The following RNPEPL1 variants were observed in gnomAD, a reference collection of about 807,000 sequenced individuals.
RNPEPL1 encodes the protein aminopeptidase RNPEPL1.
In RNPEPL1, 46 loss-of-function variants were observed where a neutral mutation model predicts 69.0. The ratio of observed to expected loss-of-function variants is 0.67; its 90% CI spans 0.53 to 0.85. The LOEUF (loss-of-function observed/expected upper bound fraction) is 0.85. RNPEPL1 is among the 40% of genes least tolerant of loss of function. The pLI, the probability that RNPEPL1 is intolerant of heterozygous loss-of-function variation, is 0.00. For synonymous variants in RNPEPL1, 525 were observed against 454.1 expected, an observed-to-expected ratio of 1.16 and a Z score of -1.98; for missense variants, 869 against 992.5, an observed-to-expected ratio of 0.88 and a Z score of 1.67.
chr2:240,574,876 C>T lies in RNPEPL1; in HGVS notation c.1289-154C>T, dbSNP rs544502054. On this transcript the variant is annotated intron_variant, in intron 6 of 10. Transcript: ENST00000270357. ...TCCTCAGTCTTCCCCGAGGCCCTGC[C>T]GCTGCACGCCCAGGGCATCAGTACA... 31 of 704,818 alleles carry T rather than the reference C, an allele frequency of 4.4e-5. 1 individual carries two copies. The highest frequency in any genetic ancestry group is 4.2e-4 in the Admixed American group (20 of 47,798). 43.7% of individuals were successfully genotyped at this position (704,818 alleles called of 1,614,324 possible).
At position 240,581,003 on chromosome 2, in the gene RNPEPL1, C is replaced by G. The variant is rs562931927; in HGVS notation, c.*3111C>G. On this transcript the variant is annotated 3_prime_UTR_variant, in exon 11 of 11. Transcript: ENST00000270357. ...CTCCCAGAGTGTTTCTCTGCCATCCCTACTCTAACTGGGACTTATTGGTGG... is the reference window on the plus strand; with the variant it reads ...CTCCCAGAGTGTTTCTCTGCCATCCGTACTCTAACTGGGACTTATTGGTGG... 19 of 152,350 alleles carry G rather than the reference C, an allele frequency of 1.2e-4. No individual in the cohort carries two copies. Among genetic ancestry groups the G allele is most frequent in the African/African-American group, 4.6e-4 (19 of 41,560 alleles). 9.4% of individuals were successfully genotyped at this position (152,350 alleles called of 1,614,324 possible). A position where few individuals can be genotyped will look rare whatever the true frequency, so the allele number is the denominator to read the frequency against.
At chr2:240,571,553 C>G (rs545287681) in intron 1 of RNPEPL1, among the ~76,000 whole-genome samples, 2 of 152,058 alleles carry the variant, frequency 1.3e-5, no homozygotes, top group South Asian at 2.1e-4. Flanking sequence ...GGTCAGAATT[C>G]CTGGAAGGAA....
In RNPEPL1 at chr2:240,568,559, C is replaced by G; in HGVS notation, c.-28C>G. 2 of 968,568 alleles carry G rather than the reference C, an allele frequency of 2.1e-6. No homozygotes were observed. The highest frequency in any genetic ancestry group is 2.4e-6 in the Non-Finnish European group (2 of 817,952). 60.0% of individuals were successfully genotyped at this position (968,568 alleles called of 1,614,324 possible). ...GCCCGCGGCCCGGCGCGGCCGCCGC[C>G]CATGGATTTCACCTAGTGCCGGCGG... On this transcript the variant is annotated 5_prime_UTR_variant, in exon 1 of 11. Coordinates refer to ENST00000270357, the MANE Select transcript of RNPEPL1 (RefSeq NM_018226.6). The surrounding 1 kb of genome is among the most constrained non-coding windows in gnomAD (Gnocchi z 6.2).
chr2:240,570,076 C>T (rs1450405849), intron 1 of RNPEPL1, among the ~76,000 whole-genome samples: 6 of 152,244 alleles, frequency 3.9e-5, no homozygotes, highest in Non-Finnish European at 5.9e-5. Flanking sequence ...TAGCCGGCCC[C>T]GCCCCTGCTG....
chr2:240,574,205 A>G lies in RNPEPL1; in HGVS notation c.1031A>G (p.Asp344Gly). ...ATCATCTCCTCCATCCTGGAGAGCG[A>G]TGAGTTCCTGGTCATCGATGTCATC... ...TFIISSILESDEFLVIDVIHE... is the reference protein window; with the variant it reads ...TFIISSILESGEFLVIDVIHE... Residue 344 changes from aspartate to glycine, a missense_variant, in exon 5 of 11, where the codon GAT becomes GGT. Physicochemically the swap from Asp to Gly is moderately conservative, Grantham distance 94. Around this residue, in one of 2 missense-constraint regions of RNPEPL1, gnomAD observed 610 missense variants for 790.9 expected, o/e 0.77. Transcript: ENST00000270357. 6.2e-7 allele frequency: 1 copy of G among 1,613,098 alleles called. No individual in the cohort carries two copies. The highest frequency in any genetic ancestry group is 8.5e-7 in the Non-Finnish European group (1 of 1,179,842).
In RNPEPL1 at chr2:240,577,575, T is replaced by C. The variant is rs564957690; in HGVS notation, c.1885-24T>C. The C allele has an allele frequency of 5.7e-5, 87 of 1,538,072 alleles. 2 individuals carry two copies. In the South Asian group the frequency reaches 1.0e-3, roughly 18 times the overall value. On this transcript the variant is annotated intron_variant, in intron 10 of 10. Coordinates refer to ENST00000270357, the MANE Select transcript of RNPEPL1 (RefSeq NM_018226.6). ...TCGAGGGGCCTGGGGAGCCCACCAG[T>C]GTGACCGAGTGCCCCTCCTGCAGAT...
chr2:240,575,655 ATGGCAGGCGGGGCCTC>A, intron 8 of RNPEPL1, 45 bp downstream of exon 8: 1 of 1,524,100 alleles, frequency 6.6e-7, no homozygotes, highest in South Asian at 1.1e-5. Context: ...CGTGGGTATG[ATGGCAGGCGGGGCCTC>A]TGCTGCCTGA....
chr2:240,571,878 C>T (rs1030624865), intron 1 of RNPEPL1, among the ~76,000 whole-genome samples: 4 of 152,022 alleles, frequency 2.6e-5, no homozygotes, highest in African/African-American at 9.7e-5. Flanking sequence ...GGCTTGGAGC[C>T]TGTCTCTTGC....
intron 7 of RNPEPL1, 35 bp downstream of exon 7, chr2:240,575,177 C>T (rs1393529444): frequency 2.0e-6 from 3 of 1,526,032 alleles, no homozygotes; most frequent in Non-Finnish European, 2.7e-6. Context: ...GCCCTGCTGC[C>T]ATCTGCCCCC....
At position 240,575,104 on chromosome 2, in the gene RNPEPL1, C is replaced by T; in HGVS notation, c.1363C>T (p.Leu455Phe). The T allele has an allele frequency of 6.2e-7, 1 of 1,613,766 alleles. No individual in the cohort carries two copies. The highest frequency in any genetic ancestry group is 8.5e-7 in the Non-Finnish European group (1 of 1,179,982). Residue 455 changes from leucine (L) to phenylalanine (F), a missense_variant, in exon 7 of 11, where the codon CTC becomes TTC. Coordinates refer to ENST00000270357, the MANE Select transcript of RNPEPL1 (RefSeq NM_018226.6). ...CTGCTTCGTGTACTACCTGTCCCAG[C>T]TCTGCGGAGACCCACAGCGCTTTGA... is the stretch of plus-strand genomic sequence containing the variant. ...GYCFVYYLSQ[L>F]CGDPQRFDDF...
Position 240,580,776 on chromosome 2 carries a change from A to T in RNPEPL1, c.*2884A>T, listed in dbSNP as rs1259268977. ...TGTGAGAGAGATCTGCATTTTGGGG[A>T]TTAGGGCCTAGTCAGGCAGGTAGGA... On this transcript the variant is annotated 3_prime_UTR_variant, in exon 11 of 11. Transcript: ENST00000270357. 1.3e-5 allele frequency: 2 copies of T among 152,206 alleles called. No homozygotes were observed. Among genetic ancestry groups the T allele is most frequent in the African/African-American group, 4.8e-5 (2 of 41,436 alleles). The allele number at this position is 152,206 out of a possible 1,614,324, so 9.4% of individuals were successfully genotyped here. A position where few individuals can be genotyped will look rare whatever the true frequency, so the allele number is the denominator to read the frequency against.
chr2:240,568,841 G>A lies in RNPEPL1; in HGVS notation c.255G>A (p.Leu85=), dbSNP rs1405621099. 4.2e-6 allele frequency: 5 copies of A among 1,178,536 alleles called. No individual in the cohort carries two copies. The highest frequency in any genetic ancestry group is 2.4e-5 in the South Asian group (1 of 41,206). The allele number at this position is 1,178,536 out of a possible 1,614,324, so 73.0% of individuals were successfully genotyped here. A position where few individuals can be genotyped will look rare whatever the true frequency, so the allele number is the denominator to read the frequency against. ...TCGACGCGCACCCGGCTCTGCGCCTGCACTCAGCCGCCTTCCGTCGCGCCC... is the reference window on the plus strand; with the variant it reads ...TCGACGCGCACCCGGCTCTGCGCCTACACTCAGCCGCCTTCCGTCGCGCCC... ...LVLDAHPALR[L]HSAAFRRAPA... Residue 85 remains leucine, a synonymous_variant, in exon 1 of 11, where the codon CTG becomes CTA. Transcript: ENST00000270357. This position sits in a 1 kb window ranked among gnomAD's most constrained non-coding sequence, Gnocchi z 6.2.
At chr2:240,569,250 A>AGCTGTTG (rs1307104217) in intron 1 of RNPEPL1, 136 bp downstream of exon 1, 1 of 957,142 alleles carries the variant, frequency 1.0e-6, no homozygotes, top group Admixed American at 5.6e-5. Context: ...GGTGATTCCC[A>AGCTGTTG]GCTGTTGCCT....
In RNPEPL1 at chr2:240,572,486, C is replaced by T. The variant is rs1343328509; in HGVS notation, c.592C>T (p.His198Tyr). ...CAAGCCCTTCGTCTTCACCCAGGGC[C>T]ACTCCGTGTGCAACCGCTCCTTCTT... ...CAKPFVFTQG[H>Y]SVCNRSFFPC... The change falls in exon 2 of 11, where the codon CAC becomes TAC. Residue 198 changes from histidine (H) to tyrosine (Y), a missense_variant. Around this residue, in one of 2 missense-constraint regions of RNPEPL1, gnomAD observed 610 missense variants for 790.9 expected, o/e 0.77. Transcript: ENST00000270357. The T allele has an allele frequency of 6.5e-7, 1 of 1,536,280 alleles. No homozygotes were observed. Among genetic ancestry groups the T allele is most frequent in the African/African-American group, 1.4e-5 (1 of 73,190 alleles).
rs1199555595 is a variant in RNPEPL1, at chr2:240,579,615, C to G, written c.*1723C>G. On this transcript the variant is annotated 3_prime_UTR_variant, in exon 11 of 11. Coordinates refer to ENST00000270357, the MANE Select transcript of RNPEPL1 (RefSeq NM_018226.6). ...CCCCTGCTGCATGGCCATCTAAAGT[C>G]TTGCCAGGCAGGCACAGCTAGGGCC... is the stretch of plus-strand genomic sequence containing the variant. 6.6e-6 allele frequency: 1 copy of G among 152,156 alleles called. No individual in the cohort carries two copies. Among genetic ancestry groups the G allele is most frequent in the South Asian group, 2.1e-4 (1 of 4,822 alleles). The allele number at this position is 152,156 out of a possible 1,614,324, so 9.4% of individuals were successfully genotyped here. A position where few individuals can be genotyped will look rare whatever the true frequency, so the allele number is the denominator to read the frequency against.
intron 7 of RNPEPL1, 105 bp downstream of exon 7, chr2:240,575,247 G>A (rs954430776): frequency 1.2e-5 from 11 of 945,922 alleles, no homozygotes; most frequent in Non-Finnish European, 1.0e-5. Flanking sequence ...GAACTGGCAG[G>A]GGCCTGTGAG....
At position 240,577,804 on chromosome 2, in the gene RNPEPL1, A is replaced by T. The variant is rs903808233; in HGVS notation, c.2090A>T (p.Asp697Val). Residue 697 changes from aspartate to valine, a missense_variant, in exon 11 of 11, where the codon GAC (aspartate) becomes GTC (valine). Transcript: ENST00000270357. ...ACGGAGCTGGGCAAGGCTGAAGCAG[A>T]CACAGACTCGGACGCACAGGCCCTG... is the stretch of plus-strand genomic sequence containing the variant. The part of the protein sequence containing the change: ...PSTELGKAEA[D>V]TDSDAQALLL... 6.2e-7 allele frequency: 1 copy of T among 1,609,914 alleles called. No homozygotes were observed. The highest frequency in any genetic ancestry group is 1.3e-5 in the African/African-American group (1 of 74,986).
At chr2:240,572,356 T>C (rs1559415659) in intron 1 of RNPEPL1, 67 bp from the exon 2 acceptor site, 1 of 1,508,202 alleles carries the variant, frequency 6.6e-7, no homozygotes, top group South Asian at 1.2e-5. Flanking sequence ...CTCAGGCTGC[T>C]GCCCAGTGGC....
Position 240,576,942 on chromosome 2 carries a change from C to T in RNPEPL1, c.1836C>T (p.Asn612=), listed in dbSNP as rs1346193667. ...RIRWLQIVVR[N]DYYPDLHRVR... ...GCTGGCTGCAGATTGTGGTCCGCAACGACTACTATCCTGACCTCCACAGGG... is the reference window on the plus strand; with the variant it reads ...GCTGGCTGCAGATTGTGGTCCGCAATGACTACTATCCTGACCTCCACAGGG... Residue 612 remains asparagine, a synonymous_variant, in exon 10 of 11, where the codon AAC becomes AAT. Transcript: ENST00000270357. The T allele has an allele frequency of 1.9e-6, 3 of 1,613,508 alleles. No homozygotes were observed. Among genetic ancestry groups the T allele is most frequent in the Non-Finnish European group, 1.7e-6 (2 of 1,179,974 alleles).
Sources: allele counts gnomAD v4.1 joint callset (sites outside exome capture counted in the v4.1 genomes callset), GRCh38; gene constraint gnomAD v4.1.1; regional missense constraint gnomAD v4.1.1; non-coding constraint Gnocchi (gnomAD v3.1); transcripts MANE v1.5; gene names NCBI Gene and HGNC (gene_info 2026-07-23, HGNC 2026-07-21).